Variants in HMOX1 observed in about 807,000 individuals in gnomAD.
HMOX1 encodes the protein heme oxygenase 1, also known as heat shock protein, 32-kD.
In HMOX1, 22 loss-of-function variants were observed where a neutral mutation model predicts 27.8. That is an observed-to-expected ratio of 0.79 (90% CI 0.57 to 1.13). HMOX1 has a LOEUF of 1.13. Ranked by LOEUF, HMOX1 falls within the 50% of genes most tolerant of loss-of-function variation. The pLI, the probability that HMOX1 is intolerant of heterozygous loss-of-function variation, is 0.00. For missense variants in HMOX1, 379 were observed against 377.7 expected, an observed-to-expected ratio of 1.00 and a Z score of -0.03; for synonymous variants, 153 against 151.6, an observed-to-expected ratio of 1.01 and a Z score of -0.07.
Position 35,389,351 on chromosome 22 carries a change from CCT to C in HMOX1, c.637-512_637-511del, listed in dbSNP as rs1569057447. On this transcript the variant is annotated intron_variant, in intron 3 of 4. Coordinates refer to ENST00000216117, the MANE Select transcript of HMOX1 (RefSeq NM_002133.3). ...CTTTCTTTCTTTCTTCTCCTTCCTT[CCT>C]TCCTTCCTTCCTTCCTTCCTTCCTT... Among the ~76,000 whole-genome samples the C allele has an allele frequency of 4.5e-3, 179 of 39,952 alleles. 5 individuals carry two copies. Among genetic ancestry groups the C allele is most frequent in the East Asian group, 3.4e-3 (5 of 1,452 alleles). The allele number at this position is 39,952 out of a possible 152,430, so 26.2% of individuals were successfully genotyped here.
chr22:35,387,973 A>C (rs1487708615), intron 3 of HMOX1, among the ~76,000 whole-genome samples: 1 of 152,208 alleles, frequency 6.6e-6, no homozygotes, highest in Non-Finnish European at 1.5e-5. Flanking sequence ...AGTGTAGGCA[A>C]AAGAAAAGGG....
chr22:35,387,499 T>C (rs532557350), intron 3 of HMOX1, among the ~76,000 whole-genome samples: 4 of 152,350 alleles, frequency 2.6e-5, no homozygotes, highest in Admixed American at 1.3e-4. Flanking sequence ...TAATGGGACA[T>C]GAGAATCAGT....
chr22:35,384,378 G>A (rs1228295449), intron 2 of HMOX1, among the ~76,000 whole-genome samples: 1 of 152,004 alleles, frequency 6.6e-6, no homozygotes, highest in East Asian at 1.9e-4. Flanking sequence ...GCCACCACCC[G>A]GCCGAGACAT....
rs372733779 is a variant in HMOX1, at chr22:35,381,202, C to T, written c.23+6C>T. 3.7e-5 allele frequency: 58 copies of T among 1,546,688 alleles called. 1 individual carries two copies. In the African/African-American group the frequency reaches 6.2e-4, roughly 17 times the overall value. ...GAGCGTCCGCAACCCGACAGGCAAG[C>T]GCGGGGCGCGGGACGCGGGACGGGC... On this transcript the variant is annotated splice_donor_region_variant and intron_variant, in intron 1 of 4. Coordinates refer to ENST00000216117, the MANE Select transcript of HMOX1 (RefSeq NM_002133.3).
chr22:35,389,189 T>TTTTTTC (rs747714193), intron 3 of HMOX1, among the ~76,000 whole-genome samples: 4 of 83,428 alleles, frequency 4.8e-5, no homozygotes, highest in Admixed American at 9.9e-5. Flanking sequence ...GGGATATGAA[T>TTTTTTC]TTTCTTTCTT....
At chr22:35,383,285 A>G (rs1931428356) in intron 2 of HMOX1, 59 bp downstream of exon 2, 2 of 1,595,448 alleles carry the variant, frequency 1.3e-6, no homozygotes. Context: ...GGTGGACCCA[A>G]GGCTCAGACC....
In HMOX1 at chr22:35,392,720, T is replaced by C. The variant is rs576557011; in HGVS notation, c.737-748T>C. Among the ~76,000 whole-genome samples the C allele has an allele frequency of 3.3e-5, 5 of 149,972 alleles. No individual in the cohort carries two copies. In the South Asian group the frequency reaches 8.4e-4, roughly 25 times the overall value. On this transcript the variant is annotated intron_variant, in intron 4 of 4. Coordinates refer to ENST00000216117, the MANE Select transcript of HMOX1 (RefSeq NM_002133.3). Reference sequence around the variant, plus strand: ...TCTGGCCTATCATGTTTTAAATCTTTTTTTTTTTTTTTTTTGAAATGGAGT... The same window carrying C: ...TCTGGCCTATCATGTTTTAAATCTTCTTTTTTTTTTTTTTTGAAATGGAGT...
intron 4 of HMOX1, among the ~76,000 whole-genome samples, chr22:35,392,979 G>A (rs961660090): frequency 3.9e-5 from 6 of 152,148 alleles, no homozygotes; most frequent in African/African-American, 1.4e-4. Context: ...GCCTCCCAAA[G>A]TGCTGGGATT....
intron 3 of HMOX1, among the ~76,000 whole-genome samples, chr22:35,389,190 T>G: frequency 1.2e-5 from 1 of 82,550 alleles, no homozygotes; most frequent in African/African-American, 5.5e-5. Context: ...GGATATGAAT[T>G]TTCTTTCTTT....
intron 1 of HMOX1, among the ~76,000 whole-genome samples, chr22:35,381,852 T>C (rs1169102908): frequency 6.6e-6 from 1 of 152,062 alleles, no homozygotes; most frequent in African/African-American, 2.4e-5. Flanking sequence ...CATGTGCCAT[T>C]TCTCCTGAGA....
At position 35,381,215 on chromosome 22, in the gene HMOX1, A is replaced by G. The variant is rs1462377085; in HGVS notation, c.23+19A>G. The G allele has an allele frequency of 3.2e-6, 5 of 1,545,502 alleles. No individual in the cohort carries two copies. The East Asian group carries it at 9.6e-5, about 30-fold the overall frequency. ...CCGACAGGCAAGCGCGGGGCGCGGG[A>G]CGCGGGACGGGCGCCTTTCTCTCCC... is the stretch of plus-strand genomic sequence containing the variant. On this transcript the variant is annotated intron_variant, in intron 1 of 4. Transcript: ENST00000216117.
Position 35,386,822 on chromosome 22 carries a change from C to T in HMOX1, c.282C>T (p.Ala94=), listed in dbSNP as rs781201378. Reference sequence around the variant, plus strand: ...AGGCTGCCCTGGAGCAGGACCTGGCCTTCTGGTACGGGCCCCGCTGGCAGG... The same window carrying T: ...AGGCTGCCCTGGAGCAGGACCTGGCTTTCTGGTACGGGCCCCGCTGGCAGG... ...HRKAALEQDL[A]FWYGPRWQEV... The change falls in exon 3 of 5, where the codon GCC becomes GCT. Residue 94 remains alanine, a synonymous_variant. Transcript: ENST00000216117. 1.3e-5 allele frequency: 21 copies of T among 1,614,222 alleles called. 1 individual carries two copies. Among genetic ancestry groups the T allele is most frequent in the Non-Finnish European group, 1.7e-5 (20 of 1,180,036 alleles).
chr22:35,387,163 T>C lies in HMOX1; in HGVS notation c.623T>C (p.Leu208Pro). ...ATAGAAGAGGCCAAGACTGCGTTCC[T>C]GCTCAACATCCAGGTGAGGGTCGGG... ...RVIEEAKTAF[L>P]LNIQLFEELQ... The change falls in exon 3 of 5, where the codon CTG becomes CCG. Residue 208 changes from leucine (L) to proline (P), a missense_variant. Transcript: ENST00000216117. 1 of 1,613,520 alleles carries C rather than the reference T, an allele frequency of 6.2e-7. No homozygotes were observed. Among genetic ancestry groups the C allele is most frequent in the Non-Finnish European group, 8.5e-7 (1 of 1,180,042 alleles).
intron 1 of HMOX1, 30 bp downstream of exon 1, chr22:35,381,226 G>A (rs1232173223): frequency 1.3e-6 from 2 of 1,544,600 alleles, no homozygotes; most frequent in Non-Finnish European, 8.7e-7. Flanking sequence ...CGCGGGACGG[G>A]CGCCTTTCTC....
chr22:35,389,285 C>T (rs1468807248), intron 3 of HMOX1, among the ~76,000 whole-genome samples: 5 of 106,440 alleles, frequency 4.7e-5, no homozygotes, highest in Admixed American at 8.9e-5. Flanking sequence ...CTCTCTCTCT[C>T]TCTCTTCTTT....
rs13053677 is a variant in HMOX1 at position 35,391,586 on chromosome 22, C to A, written c.736+1623C>A. 5.4e-3 allele frequency among the ~76,000 whole-genome samples: 483 copies of A among 88,954 alleles called. 14 individuals carry two copies. The highest frequency in any genetic ancestry group is 8.1e-3 in the South Asian group (24 of 2,960). 58.4% of individuals were successfully genotyped at this position (88,954 alleles called of 152,430 possible). On this transcript the variant is annotated intron_variant, in intron 4 of 4. Transcript: ENST00000216117. ...ACAGGTGTGAGCCACCGCGCCCGGC[C>A]TTTTTTTTTTTTTTTTTTTTTTTTT...
chr22:35,385,414 A>G (rs937993060), intron 2 of HMOX1, among the ~76,000 whole-genome samples: 2 of 150,754 alleles, frequency 1.3e-5, no homozygotes, highest in Non-Finnish European at 2.9e-5. Context: ...TAAAATGGGA[A>G]TAGCAATTCC....
intron 3 of HMOX1, 49 bp from the exon 4 acceptor site, chr22:35,389,815 C>T: frequency 7.8e-7 from 1 of 1,279,956 alleles, no homozygotes; most frequent in Non-Finnish European, 1.1e-6. Context: ...CAGCTGGGAC[C>T]TGGTAGCATC....
intron 2 of HMOX1, among the ~76,000 whole-genome samples, chr22:35,385,611 T>C (rs1931482308): frequency 2.1e-5 from 1 of 48,630 alleles, no homozygotes; most frequent in Non-Finnish European, 3.7e-5. Context: ...ATACCTGGCT[T>C]TTTTTTTTTT....
Sources: gnomAD v4.1 joint callset for allele counts (sites outside exome capture counted in the v4.1 genomes callset) on GRCh38, gnomAD v4.1.1 for gene constraint, MANE v1.5 for transcripts, NCBI Gene and HGNC (gene_info 2026-07-23, HGNC 2026-07-21) for gene names.